Variants in UBR3 observed in about 807,000 individuals in gnomAD.
UBR3 encodes ubiquitin protein ligase E3 component n-recognin 3.
UBR3 carries 85 observed loss-of-function variants against 243.2 expected under a neutral mutation model. The observed-to-expected ratio is 0.35, with a 90% CI of 0.29 to 0.42. The LOEUF (loss-of-function observed/expected upper bound fraction) is 0.42, where lower values mean the gene tolerates loss of function less well. UBR3 is among the 10% of genes least tolerant of loss of function. The pLI is 1.00. For missense variants in UBR3, 1,686 were observed against 2,300.8 expected, an observed-to-expected ratio of 0.73 and a Z score of 5.47; for synonymous variants, 748 against 799.8, an observed-to-expected ratio of 0.94 and a Z score of 1.09.
chr2:170,072,378 C>T (rs998424551), intron 35 of UBR3, among the ~76,000 whole-genome samples: 2 of 149,974 alleles, frequency 1.3e-5, no homozygotes, highest in African/African-American at 5.0e-5. Context: ...ACAATGAGAA[C>T]ACAGGGACAC....
At chr2:169,995,168 A>G (rs2089434197) in intron 26 of UBR3, among the ~76,000 whole-genome samples, 1 of 152,004 alleles carries the variant, frequency 6.6e-6, no homozygotes, top group Non-Finnish European at 1.5e-5. Context: ...CTGCATAATA[A>G]CGATGTGGTA....
intron 1 of UBR3, among the ~76,000 whole-genome samples, chr2:169,859,481 A>G (rs958607197): frequency 3.9e-4 from 59 of 151,390 alleles, no homozygotes; most frequent in Non-Finnish European, 6.1e-4. Flanking sequence ...AATTCTTCAG[A>G]TTTTTTTTTG....
At chr2:169,999,406 T>C (rs2089611276) in intron 26 of UBR3, among the ~76,000 whole-genome samples, 2 of 152,258 alleles carry the variant, frequency 1.3e-5, no homozygotes, top group South Asian at 4.1e-4. Context: ...ACACAGTACT[T>C]TCAACTTTAG....
chr2:170,038,376 T>C (rs982167220), intron 31 of UBR3, among the ~76,000 whole-genome samples: 3 of 152,224 alleles, frequency 2.0e-5, no homozygotes, highest in Admixed American at 6.5e-5. Context: ...ATTTGTTCAT[T>C]CATCCATCCC....
intron 31 of UBR3, among the ~76,000 whole-genome samples, chr2:170,032,775 A>T (rs1054353490): frequency 8.6e-5 from 13 of 151,630 alleles, no homozygotes; most frequent in Admixed American, 8.5e-4. Context: ...TTATCTTGTT[A>T]CTGATGATCA....
intron 29 of UBR3, chr2:170,013,739 A>T (rs921199660): frequency 5.3e-6 from 1 of 190,124 alleles, no homozygotes; most frequent in African/African-American, 2.4e-5. Context: ...TTTGACATTC[A>T]TTTGTAAGTA....
intron 8 of UBR3, among the ~76,000 whole-genome samples, chr2:169,900,151 AGC>A (rs2084761740): frequency 6.6e-6 from 1 of 152,172 alleles, no homozygotes; most frequent in Non-Finnish European, 1.5e-5. Flanking sequence ...CATCCTCTCC[AGC>A]GTCTGTGGTT....
rs969746713 is a variant in UBR3, at chr2:169,932,916, A to C, written c.2571A>C (p.Glu857Asp). 1 of 1,544,494 alleles carries C rather than the reference A, an allele frequency of 6.5e-7. No homozygotes were observed. Among genetic ancestry groups the C allele is most frequent in the African/African-American group, 1.4e-5 (1 of 72,468 alleles). Residue 857 changes from glutamate to aspartate, a missense_variant, in exon 19 of 39, where the codon GAA becomes GAC. Glu to Asp is a conservative substitution (Grantham distance 45). This residue lies in a region of UBR3 where 346 missense variants were observed against 585.8 expected (regional missense o/e 0.59). Coordinates refer to ENST00000272793, the MANE Select transcript of UBR3 (RefSeq NM_172070.4). Reference sequence around the variant, plus strand: ...CTACTTTCTTTTGAATAATAGCTGAAGTCTGGGATCAAGAGTTTGACCCCG... The same window carrying C: ...CTACTTTCTTTTGAATAATAGCTGACGTCTGGGATCAAGAGTTTGACCCCG... ...MQQGMYTPKA[E>D]VWDQEFDPVM...
intron 36 of UBR3, among the ~76,000 whole-genome samples, chr2:170,074,996 G>T (rs1306361994): frequency 6.6e-6 from 1 of 152,096 alleles, no homozygotes. Flanking sequence ...CCAAGTTTCA[G>T]GGAAAGTGAG....
intron 1 of UBR3, among the ~76,000 whole-genome samples, chr2:169,862,813 T>C (rs145674690): frequency 1.3e-3 from 198 of 152,334 alleles, no homozygotes; most frequent in African/African-American, 4.6e-3. Context: ...TGTCATTTAA[T>C]GTTTCTGAGA....
chr2:170,045,260 T>C (rs2091056038), intron 32 of UBR3, among the ~76,000 whole-genome samples: 1 of 152,102 alleles, frequency 6.6e-6, no homozygotes, highest in Non-Finnish European at 1.5e-5. Flanking sequence ...TTCACTACCA[T>C]GAGAACAGGA....
intron 19 of UBR3, among the ~76,000 whole-genome samples, chr2:169,942,163 G>A (rs1314454525): frequency 1.3e-5 from 2 of 152,224 alleles, no homozygotes; most frequent in African/African-American, 2.4e-5. Context: ...TTTTCAGGTC[G>A]TCTATTTTGC....
intron 29 of UBR3, among the ~76,000 whole-genome samples, chr2:170,012,179 T>TC (rs552811096): frequency 0.011 from 1,617 of 152,174 alleles, 24 homozygotes; most frequent in African/African-American, 0.035. Flanking sequence ...AAATTATGAA[T>TC]CTTTTTAAAA....
chr2:170,027,893 A>G (rs987014936), intron 30 of UBR3, among the ~76,000 whole-genome samples: 6 of 151,858 alleles, frequency 4.0e-5, no homozygotes, highest in Non-Finnish European at 2.9e-5. Context: ...GCTACCATAA[A>G]AACTGGAAAT....
chr2:169,946,072 G>A (rs1453899626), intron 20 of UBR3, among the ~76,000 whole-genome samples: 1 of 151,922 alleles, frequency 6.6e-6, no homozygotes, highest in African/African-American at 2.4e-5. Flanking sequence ...AGCAAATTAG[G>A]ATATAAAAAT....
At chr2:169,961,279 T>A (rs2087558787) in intron 24 of UBR3, among the ~76,000 whole-genome samples, 1 of 151,724 alleles carries the variant, frequency 6.6e-6, no homozygotes, top group Admixed American at 6.6e-5. Context: ...TAATAGAGAT[T>A]CTTACATATT....
Position 169,956,203 on chromosome 2 carries a change from A to ACT in UBR3, c.3546-2214_3546-2213dup, listed in dbSNP as rs34139919. Among the ~76,000 whole-genome samples, 106 of 145,966 alleles carry ACT rather than the reference A, an allele frequency of 7.3e-4. No individual in the cohort carries two copies. In the Middle Eastern group the frequency reaches 0.018, roughly 24 times the overall value. On this transcript the variant is annotated intron_variant, in intron 23 of 38. Transcript: ENST00000272793. ...TGCAGTGAGATACCTGACACCTATAACTCTCTCTCTCTCTCTCTCTCTATC... is the reference window on the plus strand; with the variant it reads ...TGCAGTGAGATACCTGACACCTATAACTCTCTCTCTCTCTCTCTCTCTCTATC...
At chr2:169,862,030 C>G (rs1475188550) in intron 1 of UBR3, among the ~76,000 whole-genome samples, 1 of 152,082 alleles carries the variant, frequency 6.6e-6, no homozygotes, top group Non-Finnish European at 1.5e-5. Flanking sequence ...GTATTTGGTT[C>G]TATTTCTGGA....
chr2:169,893,093 A>T (rs1040214782), intron 6 of UBR3, among the ~76,000 whole-genome samples: 1 of 152,254 alleles, frequency 6.6e-6, no homozygotes, highest in African/African-American at 2.4e-5. Flanking sequence ...CTACATTTTC[A>T]TAATATTACA....
Sources: allele counts gnomAD v4.1 joint callset (sites outside exome capture counted in the v4.1 genomes callset), GRCh38; gene constraint gnomAD v4.1.1; regional missense constraint gnomAD v4.1.1; transcripts MANE v1.5; gene names NCBI Gene and HGNC (gene_info 2026-07-23, HGNC 2026-07-21).